LRRC37A2: variants seen among roughly 807,000 people sequenced by gnomAD.
The protein encoded by LRRC37A2 is leucine rich repeat containing 37 member A2, also known as leucine-rich repeat-containing protein 37A2.
A neutral mutation model predicts 68.8 loss-of-function variants in LRRC37A2; 9 were observed. The observed-to-expected ratio is 0.13, with a 90% CI of 0.08 to 0.23. The LOEUF is 0.23. Ranked by LOEUF, LRRC37A2 falls within the 10% of genes least tolerant of loss-of-function variation. The pLI is 1.00. For missense variants in LRRC37A2, 168 were observed against 950.4 expected, an observed-to-expected ratio of 0.18 and a Z score of 10.82; for synonymous variants, 63 against 367.6, an observed-to-expected ratio of 0.17 and a Z score of 9.48.
the LRRC37A2 span, among the ~76,000 whole-genome samples, chr17:46,917,876 A>T: frequency 0.014 from 2,086 of 152,342 alleles, 41 homozygotes; most frequent in African/African-American, 0.048. Context: ...AACTAGTGAG[A>T]AATAGCACAT....
At chr17:46,826,024 G>GAAAAC in the LRRC37A2 span, among the ~76,000 whole-genome samples, 1 of 152,204 alleles carries the variant, frequency 6.6e-6, no homozygotes, top group Admixed American at 6.5e-5. Context: ...ACTGTCTCAA[G>GAAAAC]AAAACAAAAC....
chr17:47,001,561 T>A, the LRRC37A2 span, among the ~76,000 whole-genome samples: 1 of 152,264 alleles, frequency 6.6e-6, no homozygotes, highest in Admixed American at 6.5e-5. Flanking sequence ...AGCCTTAGTA[T>A]ACAGCTGAAA....
the LRRC37A2 span, among the ~76,000 whole-genome samples, chr17:46,458,581 G>T: frequency 1.2e-4 from 5 of 40,152 alleles, no homozygotes; most frequent in Admixed American, 1.9e-3. Flanking sequence ...TGCTCTTGTT[G>T]CCCAGGCTGG....
the LRRC37A2 span, among the ~76,000 whole-genome samples, chr17:46,965,745 C>T: frequency 6.6e-6 from 1 of 152,184 alleles, no homozygotes; most frequent in African/African-American, 2.4e-5. Flanking sequence ...ACCTTAGCCT[C>T]CTGAGTAAAT....
the LRRC37A2 span, among the ~76,000 whole-genome samples, chr17:46,798,129 A>T: frequency 2.0e-5 from 3 of 152,128 alleles, no homozygotes; most frequent in Non-Finnish European, 4.4e-5. Flanking sequence ...GGGCTTCACC[A>T]TGTTGGCCAG....
chr17:46,551,015 G>A (rs1425718675), intron 11 of LRRC37A2, among the ~76,000 whole-genome samples: 1 of 149,848 alleles, frequency 6.7e-6, no homozygotes, highest in East Asian at 1.9e-4. Flanking sequence ...AATAGGTCCA[G>A]TTAAAGCACT....
At chr17:46,916,432 C>T in the LRRC37A2 span, among the ~76,000 whole-genome samples, 24 of 152,258 alleles carry the variant, frequency 1.6e-4, no homozygotes, top group South Asian at 3.3e-3. Context: ...AAATCACCTT[C>T]TAGGAATTCA....
At chr17:46,894,029 C>T in the LRRC37A2 span, among the ~76,000 whole-genome samples, 1 of 152,194 alleles carries the variant, frequency 6.6e-6, no homozygotes, top group East Asian at 1.9e-4. Context: ...TTATTTACAG[C>T]CAGTGAATTC....
chr17:46,823,200 AT>A, the LRRC37A2 span, among the ~76,000 whole-genome samples: 3 of 131,234 alleles, frequency 2.3e-5, no homozygotes, highest in South Asian at 2.2e-4. Flanking sequence ...ATATATATTT[AT>A]ATATAATATA....
At chr17:46,830,880 C>T in the LRRC37A2 span, 46 of 397,424 alleles carry the variant, frequency 1.2e-4, no homozygotes, top group Non-Finnish European at 1.8e-4. Flanking sequence ...GGTCCTAATA[C>T]GACTTCAGCA....
chr17:46,868,190 A>G, the LRRC37A2 span, among the ~76,000 whole-genome samples: 1 of 152,222 alleles, frequency 6.6e-6, no homozygotes, highest in South Asian at 2.1e-4. Context: ...AAGAGCAATT[A>G]GCAAGTTGGC....
intron 6 of LRRC37A2, among the ~76,000 whole-genome samples, chr17:46,530,091 T>G (rs1022861564): frequency 6.9e-6 from 1 of 145,772 alleles, no homozygotes; most frequent in Non-Finnish European, 1.5e-5. Context: ...AGGGTCTCAC[T>G]TTGTTACCCA....
At chr17:46,769,727 G>A in the LRRC37A2 span, 7 of 1,597,816 alleles carry the variant, frequency 4.4e-6, no homozygotes, top group Admixed American at 1.7e-5. Context: ...GGGCAGCTCC[G>A]GAGGGGAAGC....
chr17:46,765,842 T>G, the LRRC37A2 span, among the ~76,000 whole-genome samples: 1 of 152,200 alleles, frequency 6.6e-6, no homozygotes, highest in Admixed American at 6.5e-5. Flanking sequence ...CAGAACACAG[T>G]TCTCATCCCC....
the LRRC37A2 span, chr17:46,833,297 G>A: frequency 8.9e-5 from 44 of 494,560 alleles, no homozygotes; most frequent in Non-Finnish European, 1.4e-4. Flanking sequence ...AAGTTCTAAC[G>A]TCCCACTGAA....
the LRRC37A2 span, among the ~76,000 whole-genome samples, chr17:46,771,751 C>T: frequency 6.7e-5 from 4 of 60,000 alleles, no homozygotes; most frequent in South Asian, 7.9e-4. Context: ...TGAAGCGGCG[C>T]CCCCCGCCCC....
At chr17:46,828,037 G>T in the LRRC37A2 span, among the ~76,000 whole-genome samples, 2 of 151,500 alleles carry the variant, frequency 1.3e-5, no homozygotes, top group East Asian at 3.9e-4. Flanking sequence ...GTCTCGATCC[G>T]CTGACCTCAT....
the LRRC37A2 span, among the ~76,000 whole-genome samples, chr17:46,783,923 T>C: frequency 6.6e-6 from 1 of 152,172 alleles, no homozygotes. Context: ...AATATCATCC[T>C]GTTAGTTATG....
the LRRC37A2 span, among the ~76,000 whole-genome samples, chr17:46,785,314 C>T: frequency 1.3e-5 from 2 of 152,174 alleles, no homozygotes; most frequent in African/African-American, 4.8e-5. Context: ...GGACCTGTCA[C>T]CCTGCATTGT....
Sources: gnomAD v4.1 joint callset for allele counts (sites outside exome capture counted in the v4.1 genomes callset) on GRCh38, gnomAD v4.1.1 for gene constraint, MANE v1.5 for transcripts, NCBI Gene and HGNC (gene_info 2026-07-23, HGNC 2026-07-21) for gene names.